Variants in ERP44 observed in about 807,000 individuals in gnomAD.
ERP44 encodes endoplasmic reticulum protein 44, also known as endoplasmic reticulum resident protein 44.
In ERP44, 25 loss-of-function variants were observed where a neutral mutation model predicts 53.4. The ratio of observed to expected loss-of-function variants is 0.47; its 90% CI spans 0.34 to 0.65. The LOEUF (loss-of-function observed/expected upper bound fraction) is 0.65, where lower values mean the gene tolerates loss of function less well. Among genes scored for constraint, ERP44 ranks in the 30% least tolerant of loss-of-function variants. The probability of loss-of-function intolerance (pLI) is 0.01; values close to 1 mark genes in which losing one functional copy is unlikely to be tolerated. For missense variants in ERP44, 338 were observed against 493.2 expected, an observed-to-expected ratio of 0.69 and a Z score of 2.98; for synonymous variants, 145 against 161.2, an observed-to-expected ratio of 0.90 and a Z score of 0.76.
At chr9:100,014,236 A>C (rs1331987396) in intron 8 of ERP44, among the ~76,000 whole-genome samples, 1 of 152,062 alleles carries the variant, frequency 6.6e-6, no homozygotes, top group African/African-American at 2.4e-5. Context: ...TTGCTGCCTG[A>C]TTCTGTTAGG....
At position 100,033,771 on chromosome 9, in the gene ERP44, A is replaced by T. The variant is rs568438001; in HGVS notation, c.287-11545T>A. Among the ~76,000 whole-genome samples the T allele has an allele frequency of 1.7e-3, 254 of 152,252 alleles. 1 individual carries two copies. The highest frequency in any genetic ancestry group is 2.4e-3 in the Non-Finnish European group (163 of 68,024). The stretch of plus-strand genomic sequence containing the variant: ...CATCTCTGGCTGGTACTCAGAAGCA[A>T]GAGGGATGGATATCAACTTTTATTA... On this transcript the variant is annotated intron_variant, in intron 4 of 11. Coordinates refer to ENST00000262455, the MANE Select transcript of ERP44 (RefSeq NM_015051.3).
intron 4 of ERP44, among the ~76,000 whole-genome samples, chr9:100,038,169 A>G (rs1825863268): frequency 6.6e-6 from 1 of 152,222 alleles, no homozygotes; most frequent in African/African-American, 2.4e-5. Flanking sequence ...TGAACGTACT[A>G]AAGTCACAGA....
intron 4 of ERP44, among the ~76,000 whole-genome samples, chr9:100,049,876 GCTTTA>G (rs1052815082): frequency 1.3e-5 from 2 of 152,022 alleles, no homozygotes; most frequent in African/African-American, 4.8e-5. Context: ...GTTCATAACA[GCTTTA>G]CTTGTAATAG....
At chr9:100,048,433 A>G (rs1826000382) in intron 4 of ERP44, among the ~76,000 whole-genome samples, 1 of 152,176 alleles carries the variant, frequency 6.6e-6, no homozygotes, top group Admixed American at 6.5e-5. Context: ...ATGTAAAATG[A>G]TACAGCTGCT....
At chr9:100,026,317 A>C (rs1830652215) in intron 4 of ERP44, among the ~76,000 whole-genome samples, 1 of 152,230 alleles carries the variant, frequency 6.6e-6, no homozygotes, top group South Asian at 2.1e-4. Flanking sequence ...ACATGCAGCC[A>C]AGACATTTGC....
intron 6 of ERP44, among the ~76,000 whole-genome samples, chr9:100,020,035 A>G (rs1486865249): frequency 2.0e-5 from 3 of 152,240 alleles, no homozygotes; most frequent in South Asian, 2.1e-4. Flanking sequence ...GGAAAGAAAG[A>G]AGCGTGTTTT....
intron 4 of ERP44, 49 bp downstream of exon 4, chr9:100,052,368 G>T (rs1826048199): frequency 2.3e-6 from 2 of 857,540 alleles, no homozygotes; most frequent in Non-Finnish European, 3.5e-6. Flanking sequence ...ATGTGTGCCT[G>T]TGTTTGGGAT....
rs1263834079 is a variant in ERP44, at chr9:99,984,969, C to T, written c.1117G>A (p.Glu373Lys). 6.2e-7 allele frequency: 1 copy of T among 1,601,776 alleles called. No individual in the cohort carries two copies. Among genetic ancestry groups the T allele is most frequent in the African/African-American group, 1.3e-5 (1 of 74,696 alleles). ...TGAAAAATAAACAGGAGTCCTACCT[C>T]TCCTGGGGCTGTATCAGTTGGGTCA... The part of the protein sequence containing the change: ...GPDPTDTAPG[E>K]QAQDVASSPP... Residue 373 changes from glutamate (E) to lysine (K), a missense_variant and splice_region_variant, in exon 11 of 12, where the codon GAG becomes AAG. Physicochemically the swap from Glu to Lys is moderately conservative, Grantham distance 56. This residue lies in a region of ERP44 where 113 missense variants were observed against 172.6 expected (regional missense o/e 0.65). Coordinates refer to ENST00000262455, the MANE Select transcript of ERP44 (RefSeq NM_015051.3).
At chr9:100,087,597 A>G (rs2118756558) in intron 1 of ERP44, among the ~76,000 whole-genome samples, 1 of 152,206 alleles carries the variant, frequency 6.6e-6, no homozygotes, top group East Asian at 1.9e-4. Flanking sequence ...TAAGCAGGAG[A>G]GGTCTTTATC....
intron 3 of ERP44, among the ~76,000 whole-genome samples, chr9:100,056,995 T>C (rs892721136): frequency 6.6e-6 from 1 of 152,176 alleles, no homozygotes; most frequent in African/African-American, 2.4e-5. Context: ...CTGGCTTACA[T>C]TGTAGAGAAC....
chr9:100,012,827 C>T (rs1235645277), intron 8 of ERP44, among the ~76,000 whole-genome samples: 3 of 152,202 alleles, frequency 2.0e-5, no homozygotes, highest in South Asian at 2.1e-4. Context: ...AAATCCTGGA[C>T]ATTATATAAA....
At chr9:100,022,332 A>G in intron 4 of ERP44, 106 bp from the exon 5 acceptor site, 6 of 788,036 alleles carry the variant, frequency 7.6e-6, no homozygotes, top group Non-Finnish European at 1.1e-5. Context: ...TTTTTGGTTC[A>G]AGTCATTGTT....
chr9:100,030,879 TG>T (rs1489893418), intron 4 of ERP44, among the ~76,000 whole-genome samples: 1 of 152,134 alleles, frequency 6.6e-6, no homozygotes, highest in Non-Finnish European at 1.5e-5. Flanking sequence ...CCCACCTTGC[TG>T]CAGGCAATGA....
At chr9:100,020,539 G>A in intron 6 of ERP44, 77 bp downstream of exon 6, 1 of 742,340 alleles carries the variant, frequency 1.3e-6, no homozygotes, top group East Asian at 2.6e-5. Context: ...ATCATCTTCA[G>A]GAAATGACCA....
intron 11 of ERP44, among the ~76,000 whole-genome samples, chr9:99,984,427 AAAG>A (rs1028622494): frequency 3.3e-5 from 5 of 152,180 alleles, no homozygotes; most frequent in Non-Finnish European, 5.9e-5. Flanking sequence ...AAAAAACATA[AAAG>A]AACATAAAAT....
intron 1 of ERP44, among the ~76,000 whole-genome samples, chr9:100,061,670 C>T (rs890147368): frequency 3.3e-5 from 5 of 149,594 alleles, no homozygotes; most frequent in African/African-American, 1.2e-4. Flanking sequence ...AAGGATAACA[C>T]TGTCTTATTT....
intron 10 of ERP44, among the ~76,000 whole-genome samples, chr9:99,989,185 G>T (rs905367093): frequency 1.3e-5 from 2 of 152,180 alleles, no homozygotes; most frequent in African/African-American, 4.8e-5. Context: ...GAGAGCAGTG[G>T]TTCTCCCAGC....
At chr9:100,064,976 G>C (rs1301509096) in intron 1 of ERP44, among the ~76,000 whole-genome samples, 1 of 152,120 alleles carries the variant, frequency 6.6e-6, no homozygotes, top group Non-Finnish European at 1.5e-5. Context: ...CAGTAAGCTA[G>C]TTAATTTAGT....
intron 4 of ERP44, among the ~76,000 whole-genome samples, chr9:100,050,997 T>C (rs1274953277): frequency 6.6e-6 from 1 of 152,190 alleles, no homozygotes. Context: ...AGATTTGAAA[T>C]GAGAACCCAC....
Sources: allele counts gnomAD v4.1 joint callset (sites outside exome capture counted in the v4.1 genomes callset), GRCh38; gene constraint gnomAD v4.1.1; regional missense constraint gnomAD v4.1.1; transcripts MANE v1.5; gene names NCBI Gene and HGNC (gene_info 2026-07-23, HGNC 2026-07-21).